GAN: variants seen among roughly 807,000 people sequenced by gnomAD.
GAN encodes the protein epididymis secretory sperm binding protein.
A neutral mutation model predicts 71.3 loss-of-function variants in GAN; 48 were observed. That is an observed-to-expected ratio of 0.67 (90% confidence interval 0.53 to 0.86). GAN has a LOEUF of 0.86. Among genes scored for constraint, GAN ranks in the 40% least tolerant of loss-of-function variants. The pLI is 0.00. For synonymous variants in GAN, 386 were observed against 276.8 expected, an observed-to-expected ratio of 1.39 and a Z score of -3.92; for missense variants, 928 against 770.1, an observed-to-expected ratio of 1.21 and a Z score of -2.43.
Position 81,388,986 on chromosome 16 carries a change from G to C in GAN, c.*11390G>C, listed in dbSNP as rs1450757975. ...CTTATGTTTTATTTTAAAAAATCAT[G>C]TAGGATCTGGTACATGGGGCGGGCA... On this transcript the variant is annotated 3_prime_UTR_variant, in exon 11 of 11. Transcript: ENST00000648994. The C allele has an allele frequency of 6.6e-6, 1 of 152,180 alleles. No homozygotes were observed. Among genetic ancestry groups the C allele is most frequent in the African/African-American group, 2.4e-5 (1 of 41,456 alleles). 9.4% of individuals were successfully genotyped at this position (152,180 alleles called of 1,614,324 possible).
At position 81,346,262 on chromosome 16, in the gene GAN, T is replaced by C. The variant is rs1400449500; in HGVS notation, c.168-5321T>C. 3.9e-5 allele frequency among the ~76,000 whole-genome samples: 6 copies of C among 152,098 alleles called. No individual in the cohort carries two copies. The East Asian group carries it at 9.6e-4, about 24-fold the overall frequency. On this transcript the variant is annotated intron_variant, in intron 1 of 10. Transcript: ENST00000648994. Reference sequence around the variant, plus strand: ...AAGAAGTAAAGAAAACTCTAAAAAATACAGGAATAGATATATGGAGCATCT... The same window carrying C: ...AAGAAGTAAAGAAAACTCTAAAAAACACAGGAATAGATATATGGAGCATCT...
rs1421481681 is a variant in GAN at position 81,354,468 on chromosome 16, G to A, written c.346G>A (p.Asp116Asn). The A allele has an allele frequency of 6.2e-7, 1 of 1,614,098 alleles. No homozygotes were observed. The highest frequency in any genetic ancestry group is 8.5e-7 in the Non-Finnish European group (1 of 1,179,964). ...GGCAGCTGACCTGCTGCTACTGACG[G>A]ACCTTAAAACCCTGTGCTGTGAGTT... ...VQAADLLLLT[D>N]LKTLCCEFLE... Residue 116 changes from aspartate (D) to asparagine (N), a missense_variant, in exon 3 of 11, where the codon GAC becomes AAC. Asp to Asn is a conservative substitution (Grantham distance 23). Coordinates refer to ENST00000648994, the MANE Select transcript of GAN (RefSeq NM_022041.4).
chr16:81,372,282 A>G (rs985770724), intron 9 of GAN, among the ~76,000 whole-genome samples: 6 of 152,230 alleles, frequency 3.9e-5, no homozygotes, highest in Admixed American at 2.6e-4. Flanking sequence ...AAAAATTAGT[A>G]TCGTTTAATG....
intron 1 of GAN, among the ~76,000 whole-genome samples, chr16:81,324,714 A>G (rs933656855): frequency 2.6e-5 from 4 of 152,170 alleles, no homozygotes; most frequent in African/African-American, 9.7e-5. Flanking sequence ...AAAGCAATTG[A>G]TGGCATAGTT....
intron 9 of GAN, among the ~76,000 whole-genome samples, chr16:81,375,797 C>A (rs1233523213): frequency 1.3e-5 from 2 of 151,488 alleles, no homozygotes; most frequent in Non-Finnish European, 2.9e-5. Context: ...GAGACCTCAT[C>A]TCTATGGAAA....
intron 1 of GAN, among the ~76,000 whole-genome samples, chr16:81,323,558 T>C (rs764634990): frequency 6.6e-6 from 1 of 152,246 alleles, no homozygotes; most frequent in African/African-American, 2.4e-5. Context: ...AGAATTAGCA[T>C]TGTCTAAAGT....
At chr16:81,337,829 A>G (rs767177543) in intron 1 of GAN, among the ~76,000 whole-genome samples, 9 of 152,200 alleles carry the variant, frequency 5.9e-5, no homozygotes, top group Non-Finnish European at 1.3e-4. Flanking sequence ...AAGTTTGGCC[A>G]AAGGATGGGT....
At chr16:81,366,927 C>T (rs2608556) in intron 9 of GAN, among the ~76,000 whole-genome samples, 3 of 152,056 alleles carry the variant, frequency 2.0e-5, no homozygotes, top group African/African-American at 4.8e-5. Context: ...CGGGTTCAAG[C>T]GATTCTTCCA....
chr16:81,352,864 A>G (rs1910345468), intron 2 of GAN, among the ~76,000 whole-genome samples: 1 of 152,214 alleles, frequency 6.6e-6, no homozygotes, highest in African/African-American at 2.4e-5. Flanking sequence ...CACCTTGTAA[A>G]GTCAATCCAG....
rs1315229029 is a variant in GAN at position 81,387,272 on chromosome 16, G to A, written c.*9676G>A. On this transcript the variant is annotated 3_prime_UTR_variant, in exon 11 of 11. Coordinates refer to ENST00000648994, the MANE Select transcript of GAN (RefSeq NM_022041.4). ...TCAGAAAAAAGTTTTGTTGCGGGGG[G>A]TGGGATATTGATCATTTGAACATAT... 2.0e-5 allele frequency: 3 copies of A among 152,190 alleles called. No homozygotes were observed. Among genetic ancestry groups the A allele is most frequent in the Admixed American group, 2.0e-4 (3 of 15,278 alleles). 9.4% of individuals were successfully genotyped at this position (152,190 alleles called of 1,614,324 possible). A position where few individuals can be genotyped will look rare whatever the true frequency, so the allele number is the denominator to read the frequency against.
At chr16:81,341,001 A>G (rs1365658426) in intron 1 of GAN, among the ~76,000 whole-genome samples, 1 of 151,928 alleles carries the variant, frequency 6.6e-6, no homozygotes, top group East Asian at 2.0e-4. Context: ...AGTATACACA[A>G]GCTTCAGTAG....
rs1355051159 is a variant in GAN at position 81,351,578 on chromosome 16, C to G, written c.168-5C>G. On this transcript the variant is annotated splice_polypyrimidine_tract_variant and splice_region_variant and intron_variant, in intron 1 of 10. Transcript: ENST00000648994. ...AGAAATTTTACATTTTTTTCCCTTT[C>G]TTAGGACAAAGTTAAACTATAATCC... 8.0e-7 allele frequency: 1 copy of G among 1,246,306 alleles called. No individual in the cohort carries two copies. The highest frequency in any genetic ancestry group is 1.5e-5 in the African/African-American group (1 of 67,856). The allele number at this position is 1,246,306 out of a possible 1,614,324, so 77.2% of individuals were successfully genotyped here.
chr16:81,327,312 C>T (rs913232111), intron 1 of GAN, among the ~76,000 whole-genome samples: 2 of 152,218 alleles, frequency 1.3e-5, no homozygotes, highest in South Asian at 2.1e-4. Flanking sequence ...ATTAAGGAGG[C>T]GCCAGAAGCA....
chr16:81,352,279 A>G (rs1910325269), intron 2 of GAN, among the ~76,000 whole-genome samples: 1 of 152,130 alleles, frequency 6.6e-6, no homozygotes, highest in Non-Finnish European at 1.5e-5. Flanking sequence ...TGTCCACTTG[A>G]ACCTCTGGGG....
At position 81,357,864 on chromosome 16, in the gene GAN, C is replaced by T; in HGVS notation, c.906C>T (p.Asn302=). 6.2e-7 allele frequency: 1 copy of T among 1,613,228 alleles called. No homozygotes were observed. The highest frequency in any genetic ancestry group is 8.5e-7 in the Non-Finnish European group (1 of 1,179,172). Residue 302 remains asparagine (N), a synonymous_variant, in exon 5 of 11, where the codon AAC becomes AAT. Transcript: ENST00000648994. ...MRCMCPLYDP[N]RQLWIELAPL... is the part of the protein sequence containing the mutation. ...GCATGTGCCCTCTCTATGACCCTAA[C>T]AGGCAGCTTTGGATCGAACTGGCCC...
chr16:81,375,613 A>G (rs895188807), intron 9 of GAN, among the ~76,000 whole-genome samples: 3 of 152,088 alleles, frequency 2.0e-5, no homozygotes, highest in African/African-American at 7.2e-5. Flanking sequence ...GACTTGAGCC[A>G]CCACACCTGG....
At chr16:81,365,247 C>G in intron 8 of GAN, 103 bp from the exon 9 acceptor site, 5 of 1,565,650 alleles carry the variant, frequency 3.2e-6, no homozygotes, top group Non-Finnish European at 4.4e-6. Flanking sequence ...AAAGGAAGGC[C>G]CACGTAGTAA....
chr16:81,368,797 C>G (rs1339937168), intron 9 of GAN, among the ~76,000 whole-genome samples: 2 of 152,170 alleles, frequency 1.3e-5, no homozygotes, highest in Non-Finnish European at 2.9e-5. Flanking sequence ...AGTGCAGTTA[C>G]TTATTTGTGG....
chr16:81,328,136 A>G (rs1909448624), intron 1 of GAN, among the ~76,000 whole-genome samples: 1 of 152,250 alleles, frequency 6.6e-6, no homozygotes, highest in South Asian at 2.1e-4. Context: ...TACTTTCAAA[A>G]TGACGCGAAC....
Sources: gnomAD v4.1 joint callset for allele counts (sites outside exome capture counted in the v4.1 genomes callset) on GRCh38, gnomAD v4.1.1 for gene constraint, MANE v1.5 for transcripts, NCBI Gene and HGNC (gene_info 2026-07-23, HGNC 2026-07-21) for gene names.